NPFFR1: variants seen among roughly 807,000 people sequenced by gnomAD.
The protein encoded by NPFFR1 is neuropeptide FF receptor 1.
In NPFFR1, 17 loss-of-function variants were observed where a neutral mutation model predicts 12.7. The ratio of observed to expected loss-of-function variants is 1.34; its 90% CI spans 0.92 to 2.01. The LOEUF (loss-of-function observed/expected upper bound fraction) is 2.01, where lower values mean the gene tolerates loss of function less well. Ranked by LOEUF, NPFFR1 falls within the 30% of genes most tolerant of loss-of-function variation. NPFFR1 has a pLI of 0.00. For synonymous variants in NPFFR1, 296 were observed against 264.5 expected (o/e 1.12, Z -1.16); for missense variants, 604 against 606.5 (o/e 1.00, Z 0.04).
chr10:70,250,899 A>G lies in NPFFR1; in HGVS notation c.*4058T>C, dbSNP rs536106203. ...AAGCTGTTCCAAGAATGTTAAATAT[A>G]TTGAGAGATATATGCACAGAAAAGG... is the stretch of plus-strand genomic sequence containing the variant. On this transcript the variant is annotated 3_prime_UTR_variant, in exon 4 of 4. Coordinates refer to ENST00000277942, the MANE Select transcript of NPFFR1 (RefSeq NM_022146.5). 3.9e-5 allele frequency: 6 copies of G among 152,318 alleles called. No individual in the cohort carries two copies. The South Asian group carries it at 6.2e-4, about 16-fold the overall frequency. 9.4% of individuals were successfully genotyped at this position (152,318 alleles called of 1,614,324 possible).
At chr10:70,273,483 T>C (rs59514134) in intron 1 of NPFFR1, among the ~76,000 whole-genome samples, 15,878 of 152,242 alleles carry the variant, frequency 0.1, 1,077 homozygotes, top group Middle Eastern at 0.22. Flanking sequence ...TCCAAAAGCA[T>C]TGGATCCGCT....
Position 70,255,626 on chromosome 10 carries a change from G to A in NPFFR1, c.624C>T (p.Pro208=). The A allele has an allele frequency of 1.9e-6, 3 of 1,578,506 alleles. No homozygotes were observed. Among genetic ancestry groups the A allele is most frequent in the Non-Finnish European group, 2.6e-6 (3 of 1,162,468 alleles). ...YPLYSCWEAW[P]EKGMRRVYTT... ...TGTAGACCCTGCGCATGCCCTTCTC[G>A]GGCCAGGCCTCCCAGCAGGAGTAGA... Residue 208 remains proline, a synonymous_variant, in exon 4 of 4, where the codon CCC becomes CCT. Transcript: ENST00000277942. The surrounding 1 kb of genome is among the most constrained non-coding windows in gnomAD (Gnocchi z 4.2).
rs942117835 is a variant in NPFFR1 at position 70,250,139 on chromosome 10, G to C, written c.*4818C>G. ...TTGGCCAGGCTGGTCTTGAACTCCT[G>C]ACCTCAGGTGATCTACGCACCTCAG... On this transcript the variant is annotated 3_prime_UTR_variant, in exon 4 of 4. Transcript: ENST00000277942. 1.3e-5 allele frequency: 2 copies of C among 152,034 alleles called. No individual in the cohort carries two copies. The highest frequency in any genetic ancestry group is 4.8e-5 in the African/African-American group (2 of 41,338). The allele number at this position is 152,034 out of a possible 1,614,324, so 9.4% of individuals were successfully genotyped here.
chr10:70,262,960 C>A (rs1840648497), intron 2 of NPFFR1, among the ~76,000 whole-genome samples: 1 of 152,064 alleles, frequency 6.6e-6, no homozygotes, highest in African/African-American at 2.4e-5. Context: ...GAATTCAAGA[C>A]CAGCCTGGGT....
At chr10:70,258,026 GA>G (rs35194561) in intron 3 of NPFFR1, among the ~76,000 whole-genome samples, 11,632 of 152,204 alleles carry the variant, frequency 0.076, 478 homozygotes, top group Middle Eastern at 0.13. Flanking sequence ...CTGAAATAAT[GA>G]AAATAATAAT....
intron 1 of NPFFR1, among the ~76,000 whole-genome samples, chr10:70,280,770 G>A (rs1194574703): frequency 1.3e-5 from 2 of 152,142 alleles, no homozygotes; most frequent in African/African-American, 4.8e-5. Context: ...TTGAAGGGCC[G>A]AGGCGGGCAG....
rs1423763828 is a variant in NPFFR1, at chr10:70,283,920, GGCTCAGCCGCCCGCC to G, written c.-259_-245del. Among the ~76,000 whole-genome samples, 1 of 152,134 alleles carries G rather than the reference GGCTCAGCCGCCCGCC, an allele frequency of 6.6e-6. No homozygotes were observed. The highest frequency in any genetic ancestry group is 1.5e-5 in the Non-Finnish European group (1 of 67,984). ...TCCCGCGCAGCGCTGCTGCCCGCAGGGCTCAGCCGCCCGCCGCCCCTCGCCTCCCGACCAGGGGAA... is the reference window on the plus strand; with the variant it reads ...TCCCGCGCAGCGCTGCTGCCCGCAGGGCCCCTCGCCTCCCGACCAGGGGAA... On this transcript the variant is annotated 5_prime_UTR_variant, in exon 1 of 4. Transcript: ENST00000277942.
intron 3 of NPFFR1, among the ~76,000 whole-genome samples, chr10:70,260,409 C>T (rs1361725967): frequency 6.6e-6 from 1 of 152,174 alleles, no homozygotes; most frequent in Non-Finnish European, 1.5e-5. Flanking sequence ...AAAAGCCAAC[C>T]AAGGCTACCT....
Position 70,266,395 on chromosome 10 carries a change from G to C in NPFFR1, c.8-4C>G. On this transcript the variant is annotated splice_region_variant and splice_polypyrimidine_tract_variant and intron_variant, in intron 1 of 3. Transcript: ENST00000277942. ...TTGGGAGGCTGGGAGGGCTCCCCTA[G>C]GACCAAAGGAATATATTGGTCAGGA... is the stretch of plus-strand genomic sequence containing the variant. 1 of 1,607,710 alleles carries C rather than the reference G, an allele frequency of 6.2e-7. No homozygotes were observed. Among genetic ancestry groups the C allele is most frequent in the Non-Finnish European group, 8.5e-7 (1 of 1,176,590 alleles).
intron 1 of NPFFR1, among the ~76,000 whole-genome samples, chr10:70,273,286 T>G (rs1840768381): frequency 6.6e-6 from 1 of 152,140 alleles, no homozygotes; most frequent in African/African-American, 2.4e-5. Flanking sequence ...TAGCCGGATT[T>G]GAGAACCACT....
In NPFFR1 at chr10:70,255,673, C is replaced by A. The variant is rs61746115; in HGVS notation, c.577G>T (p.Ala193Ser). 3,818 of 1,602,180 alleles carry A rather than the reference C, an allele frequency of 2.4e-3. 58 individuals are homozygous for A. In the African/African-American group the frequency reaches 0.036, roughly 15 times the overall value. The change falls in exon 4 of 4, where the codon GCC becomes TCC. Residue 193 changes from alanine (A) to serine (S), a missense_variant. Coordinates refer to ENST00000277942, the MANE Select transcript of NPFFR1 (RefSeq NM_022146.5). This position sits in a 1 kb window ranked among gnomAD's most constrained non-coding sequence, Gnocchi z 4.2. ...TAGAGCGGGTAGGAGCGGTTGCGGG[C>A]GTCCACCATGAAGTGGTGCTCCTCA... ...TREEHHFMVD[A>S]RNRSYPLYSC... is the part of the protein sequence containing the mutation.
chr10:70,283,222 ACTCT>A (rs758178711), intron 1 of NPFFR1, among the ~76,000 whole-genome samples: 31 of 109,230 alleles, frequency 2.8e-4, no homozygotes, highest in African/African-American at 3.2e-4. Context: ...TCTCTCTCTC[ACTCT>A]CTCTCTCTCT....
chr10:70,283,227 C>T (rs577684486), intron 1 of NPFFR1, among the ~76,000 whole-genome samples: 13 of 151,500 alleles, frequency 8.6e-5, no homozygotes, highest in African/African-American at 2.9e-4. Flanking sequence ...CTCTCACTCT[C>T]TCTCTCTCTC....
chr10:70,248,597 TC>T lies in NPFFR1; in HGVS notation c.*6359del, dbSNP rs1177710557. On this transcript the variant is annotated 3_prime_UTR_variant, in exon 4 of 4. Transcript: ENST00000277942. ...GCCTCCCAGGTTCAAGCAATTCCCC[TC>T]CCTCAGCCTCCCAAGTAGCTGGGAT... The T allele has an allele frequency of 6.8e-6, 1 of 147,332 alleles. No homozygotes were observed. The highest frequency in any genetic ancestry group is 1.5e-5 in the Non-Finnish European group (1 of 67,176). 9.1% of individuals were successfully genotyped at this position (147,332 alleles called of 1,614,324 possible).
chr10:70,282,012 A>G (rs1019444958), intron 1 of NPFFR1, among the ~76,000 whole-genome samples: 4 of 152,136 alleles, frequency 2.6e-5, no homozygotes, highest in African/African-American at 9.7e-5. Flanking sequence ...AAAAATTTAT[A>G]TTTCCCTTTT....
chr10:70,252,531 A>T lies in NPFFR1; in HGVS notation c.*2426T>A, dbSNP rs1054213585. On this transcript the variant is annotated 3_prime_UTR_variant, in exon 4 of 4. Coordinates refer to ENST00000277942, the MANE Select transcript of NPFFR1 (RefSeq NM_022146.5). ...AAATGGCCAAAATGGTAAATTCTAT[A>T]TTATTTATATTTTACCACATCCACA... The T allele has an allele frequency of 1.3e-5, 2 of 152,186 alleles. No individual in the cohort carries two copies. The highest frequency in any genetic ancestry group is 3.8e-4 in the East Asian group (2 of 5,200). 9.4% of individuals were successfully genotyped at this position (152,186 alleles called of 1,614,324 possible).
In NPFFR1 at chr10:70,283,721, C is replaced by T. The variant is rs1374294801; in HGVS notation, c.-45G>A. Reference sequence around the variant, plus strand: ...TCCGGCGGTCTCCGATGGCGGGAGGCAGCGGGCCCCTTCGGGCCAGCGGGC... The same window carrying T: ...TCCGGCGGTCTCCGATGGCGGGAGGTAGCGGGCCCCTTCGGGCCAGCGGGC... On this transcript the variant is annotated 5_prime_UTR_variant, in exon 1 of 4. Transcript: ENST00000277942. 2 of 1,533,460 alleles carry T rather than the reference C, an allele frequency of 1.3e-6. No individual in the cohort carries two copies. The highest frequency in any genetic ancestry group is 2.7e-5 in the African/African-American group (2 of 72,996). 95.0% of individuals were successfully genotyped at this position (1,533,460 alleles called of 1,614,324 possible).
At chr10:70,268,871 T>C (rs532879813) in intron 1 of NPFFR1, among the ~76,000 whole-genome samples, 72 of 152,302 alleles carry the variant, frequency 4.7e-4, no homozygotes, top group Non-Finnish European at 8.8e-4. Flanking sequence ...AGAAAAGCAA[T>C]ATAGCATTGC....
Position 70,248,253 on chromosome 10 carries a change from C to T in NPFFR1, c.*6704G>A, listed in dbSNP as rs1222054850. Reference sequence around the variant, plus strand: ...CTTTACTTCTCTGAGCCTTGCTTTTCCAATCTATTGTATGGGAATAATAAT... The same window carrying T: ...CTTTACTTCTCTGAGCCTTGCTTTTTCAATCTATTGTATGGGAATAATAAT... On this transcript the variant is annotated 3_prime_UTR_variant, in exon 4 of 4. Coordinates refer to ENST00000277942, the MANE Select transcript of NPFFR1 (RefSeq NM_022146.5). 6.6e-6 allele frequency: 1 copy of T among 152,146 alleles called. No homozygotes were observed. Among genetic ancestry groups the T allele is most frequent in the African/African-American group, 2.4e-5 (1 of 41,414 alleles). 9.4% of individuals were successfully genotyped at this position (152,146 alleles called of 1,614,324 possible).
Sources: allele counts gnomAD v4.1 joint callset (sites outside exome capture counted in the v4.1 genomes callset), GRCh38; gene constraint gnomAD v4.1.1; non-coding constraint Gnocchi (gnomAD v3.1); transcripts MANE v1.5; gene names NCBI Gene and HGNC (gene_info 2026-07-23, HGNC 2026-07-21).